MLLT1: variants seen among roughly 807,000 people sequenced by gnomAD.
MLLT1 encodes the protein MLLT1 super elongation complex subunit.
Under a neutral mutation model 55.1 loss-of-function variants are expected in MLLT1, and 11 were observed. The ratio of observed to expected loss-of-function variants is 0.20; its 90% CI spans 0.13 to 0.33. The LOEUF is 0.33. MLLT1 is among the 10% of genes least tolerant of loss of function. MLLT1 has a pLI of 1.00. For missense variants in MLLT1, 536 were observed against 760.6 expected, an observed-to-expected ratio of 0.70 and a Z score of 3.47; for synonymous variants, 323 against 320.1, an observed-to-expected ratio of 1.01 and a Z score of -0.10.
At chr19:6,278,526 G>A (rs1342103178) in intron 1 of MLLT1, among the ~76,000 whole-genome samples, 1 of 152,014 alleles carries the variant, frequency 6.6e-6, no homozygotes, top group East Asian at 1.9e-4. Flanking sequence ...GGAGAGGGTA[G>A]TGGCTGAAAG....
At chr19:6,250,841 C>A (rs1327427240) in intron 3 of MLLT1, among the ~76,000 whole-genome samples, 2 of 152,132 alleles carry the variant, frequency 1.3e-5, no homozygotes, top group Non-Finnish European at 2.9e-5. Flanking sequence ...GTGGGAACAG[C>A]CTGCATGGCC....
intron 1 of MLLT1, among the ~76,000 whole-genome samples, chr19:6,275,572 C>T (rs1028498228): frequency 6.6e-6 from 1 of 152,202 alleles, no homozygotes; most frequent in African/African-American, 2.4e-5. Flanking sequence ...TCCTCTGAAG[C>T]GGAGAGCTGC....
chr19:6,213,087 G>A lies in MLLT1; in HGVS notation c.1635C>T (p.Thr545=), dbSNP rs773344545. 2 of 1,613,942 alleles carry A rather than the reference G, an allele frequency of 1.2e-6. No individual in the cohort carries two copies. The highest frequency in any genetic ancestry group is 1.7e-6 in the Non-Finnish European group (2 of 1,179,864). ...FDFDLFSLDE[T]TVRKLQSCLE... The stretch of plus-strand genomic sequence containing the variant: ...GGCAGCTCTGCAGTTTGCGCACGGT[G>A]GTCTCGTCCAGGGAGAAGAGGTCGA... Residue 545 remains threonine (T), a synonymous_variant, in exon 12 of 12, where the codon ACC becomes ACT. Coordinates refer to ENST00000252674, the MANE Select transcript of MLLT1 (RefSeq NM_005934.4).
rs371374375 is a variant in MLLT1 at position 6,272,165 on chromosome 19, G to A, written c.13-1406C>T. On this transcript the variant is annotated intron_variant, in intron 1 of 11. Coordinates refer to ENST00000252674, the MANE Select transcript of MLLT1 (RefSeq NM_005934.4). ...CGAGCCCCGCGCACGTCTTCCACGCGTGTATTTCCTCAAGTCTGAGACGCT... is the reference window on the plus strand; with the variant it reads ...CGAGCCCCGCGCACGTCTTCCACGCATGTATTTCCTCAAGTCTGAGACGCT... Among the ~76,000 whole-genome samples, 7 of 148,846 alleles carry A rather than the reference G, an allele frequency of 4.7e-5. No individual in the cohort carries two copies. The South Asian group carries it at 6.4e-4, about 14-fold the overall frequency.
chr19:6,236,603 T>C (rs999776766), intron 3 of MLLT1, among the ~76,000 whole-genome samples: 2 of 151,808 alleles, frequency 1.3e-5, no homozygotes, highest in African/African-American at 4.8e-5. Flanking sequence ...CACCCTGGGA[T>C]TGAGATTGGC....
intron 3 of MLLT1, among the ~76,000 whole-genome samples, chr19:6,232,976 G>A (rs11085165): frequency 0.27 from 41,791 of 152,034 alleles, 6,597 homozygotes; most frequent in African/African-American, 0.42. Flanking sequence ...ACATCACACC[G>A]GCTCAGTCAG....
At position 6,214,048 on chromosome 19, in the gene MLLT1, C is replaced by A; in HGVS notation, c.1308-10G>T. On this transcript the variant is annotated splice_polypyrimidine_tract_variant and intron_variant, in intron 8 of 11. Coordinates refer to ENST00000252674, the MANE Select transcript of MLLT1 (RefSeq NM_005934.4). ...GTCGCTGAAGCTCAACCTGAACCGA[C>A]ACACGGGGGCGCATCAGGCCCCTGC... 7.1e-7 allele frequency: 1 copy of A among 1,417,518 alleles called. No individual in the cohort carries two copies. Among genetic ancestry groups the A allele is most frequent in the Non-Finnish European group, 9.2e-7 (1 of 1,085,038 alleles). The allele number at this position is 1,417,518 out of a possible 1,614,324, so 87.8% of individuals were successfully genotyped here. A position where few individuals can be genotyped will look rare whatever the true frequency, so the allele number is the denominator to read the frequency against.
rs963097092 is a variant in MLLT1 at position 6,222,908 on chromosome 19, G to A, written c.547-224C>T. Among the ~76,000 whole-genome samples the A allele has an allele frequency of 6.6e-6, 1 of 152,200 alleles. No homozygotes were observed. Among genetic ancestry groups the A allele is most frequent in the Non-Finnish European group, 1.5e-5 (1 of 68,026 alleles). ...AAGTGTCAGCTGGTCCCCGGCAGCTGCAGGCTAAGATTCCCCTCAGAATTG... is the reference window on the plus strand; with the variant it reads ...AAGTGTCAGCTGGTCCCCGGCAGCTACAGGCTAAGATTCCCCTCAGAATTG... On this transcript the variant is annotated intron_variant, in intron 5 of 11. Coordinates refer to ENST00000252674, the MANE Select transcript of MLLT1 (RefSeq NM_005934.4). The surrounding 1 kb of genome is among the most constrained non-coding windows in gnomAD (Gnocchi z 4.1).
At chr19:6,244,691 G>GTATCCAGAGTA (rs2091150573) in intron 3 of MLLT1, among the ~76,000 whole-genome samples, 1 of 152,190 alleles carries the variant, frequency 6.6e-6, no homozygotes, top group Non-Finnish European at 1.5e-5. Context: ...TACAGGACTT[G>GTATCCAGAGTA]TATCCAGAGT....
Position 6,229,468 on chromosome 19 carries a change from A to T in MLLT1, c.420+1102T>A, listed in dbSNP as rs2090985605. On this transcript the variant is annotated intron_variant, in intron 4 of 11. Transcript: ENST00000252674. This position sits in a 1 kb window ranked among gnomAD's most constrained non-coding sequence, Gnocchi z 5.2. The stretch of plus-strand genomic sequence containing the variant: ...TGACACCCACAGCCACGGTGCCCCA[A>T]ATCCACTCAGGAGGCGACCCACCCC... 1.3e-5 allele frequency among the ~76,000 whole-genome samples: 2 copies of T among 151,904 alleles called. No individual in the cohort carries two copies. The highest frequency in any genetic ancestry group is 4.1e-4 in the South Asian group (2 of 4,820).
rs1179744702 is a variant in MLLT1 at position 6,226,894 on chromosome 19, C to A, written c.546+83G>T. 2 of 1,253,638 alleles carry A rather than the reference C, an allele frequency of 1.6e-6. No individual in the cohort carries two copies. The highest frequency in any genetic ancestry group is 1.7e-5 in the South Asian group (1 of 59,778). The allele number at this position is 1,253,638 out of a possible 1,614,324, so 77.7% of individuals were successfully genotyped here. On this transcript the variant is annotated intron_variant, in intron 5 of 11. Transcript: ENST00000252674. This position sits in a 1 kb window ranked among gnomAD's most constrained non-coding sequence, Gnocchi z 6.3. ...GCGAGCAGGTGCGGAAGGCCCAGCC[C>A]AGTGGAGGGAGGGCGCCGGGGCCAG...
chr19:6,246,297 T>C (rs555983944), intron 3 of MLLT1, among the ~76,000 whole-genome samples: 10 of 152,194 alleles, frequency 6.6e-5, no homozygotes, highest in African/African-American at 2.4e-4. Flanking sequence ...TTTACCCAAA[T>C]GAACTGAAAA....
In MLLT1 at chr19:6,218,224, G is replaced by A. The variant is rs111788632; in HGVS notation, c.1111-183C>T. 2.7e-3 allele frequency among the ~76,000 whole-genome samples: 406 copies of A among 152,344 alleles called. 2 individuals carry two copies. The highest frequency in any genetic ancestry group is 9.3e-3 in the African/African-American group (387 of 41,586). ...ACTAAGGAGCCAGCGGCCAGGCCAT[G>A]CGCAGCCTATAGCCTCCCGTGCCAG... On this transcript the variant is annotated intron_variant, in intron 6 of 11. Coordinates refer to ENST00000252674, the MANE Select transcript of MLLT1 (RefSeq NM_005934.4).
intron 3 of MLLT1, among the ~76,000 whole-genome samples, chr19:6,247,042 G>C (rs1028649577): frequency 1.3e-5 from 2 of 152,218 alleles, no homozygotes; most frequent in African/African-American, 4.8e-5. Context: ...TCGGGAGCCA[G>C]GTTTCCCCCT....
chr19:6,243,137 G>A (rs139100176), intron 3 of MLLT1, among the ~76,000 whole-genome samples: 2,714 of 152,322 alleles, frequency 0.018, 40 homozygotes, highest in South Asian at 0.034. Context: ...AGTCTGCTGG[G>A]AACGTAAAGC....
chr19:6,221,883 A>C (rs1406101345), intron 6 of MLLT1, among the ~76,000 whole-genome samples: 1 of 152,132 alleles, frequency 6.6e-6, no homozygotes, highest in Non-Finnish European at 1.5e-5. Context: ...GCCACCCACA[A>C]ATGCCACCGA....
At position 6,222,304 on chromosome 19, in the gene MLLT1, C is replaced by A; in HGVS notation, c.927G>T (p.Arg309=). Residue 309 remains arginine (R), a synonymous_variant, in exon 6 of 12, where the codon CGG becomes CGT. Transcript: ENST00000252674. This position sits in a 1 kb window ranked among gnomAD's most constrained non-coding sequence, Gnocchi z 4.1. The part of the protein sequence containing the change: ...KQKKSSSKGS[R]SAPGTSPRTS... The stretch of plus-strand genomic sequence containing the variant: ...TGCGGGGCGAGGTGCCTGGAGCACT[C>A]CGGGACCCCTTCGAGCTGCTCTTCT... 6.2e-7 allele frequency: 1 copy of A among 1,601,296 alleles called. No individual in the cohort carries two copies.
Position 6,270,774 on chromosome 19 carries a change from G to C in MLLT1, c.13-15C>G. 6.3e-7 allele frequency: 1 copy of C among 1,589,456 alleles called. No individual in the cohort carries two copies. The highest frequency in any genetic ancestry group is 8.6e-7 in the Non-Finnish European group (1 of 1,164,460). On this transcript the variant is annotated splice_polypyrimidine_tract_variant and intron_variant, in intron 1 of 11. Transcript: ENST00000252674. The surrounding 1 kb of genome is among the most constrained non-coding windows in gnomAD (Gnocchi z 7.1). ...TGGACGGTGCACTGGAGGAGAGAGA[G>C]GTGGGGAGATGAAGTCAGCACACGC...
Position 6,230,914 on chromosome 19 carries a change from G to A in MLLT1, c.277-201C>T, listed in dbSNP as rs551390107. 4.6e-5 allele frequency among the ~76,000 whole-genome samples: 7 copies of A among 152,248 alleles called. No homozygotes were observed. The highest frequency in any genetic ancestry group is 1.4e-4 in the African/African-American group (6 of 41,536). On this transcript the variant is annotated intron_variant, in intron 3 of 11. Coordinates refer to ENST00000252674, the MANE Select transcript of MLLT1 (RefSeq NM_005934.4). This position sits in a 1 kb window ranked among gnomAD's most constrained non-coding sequence, Gnocchi z 9.0. ...CAGCTTACTATGTGCAGCTAACTGG[G>A]TCTTGCAGGCCCCATGGCAGAAAGA...
Sources: gnomAD v4.1 joint callset for allele counts (sites outside exome capture counted in the v4.1 genomes callset) on GRCh38, gnomAD v4.1.1 for gene constraint, Gnocchi (gnomAD v3.1) non-coding constraint, MANE v1.5 for transcripts, NCBI Gene and HGNC (gene_info 2026-07-23, HGNC 2026-07-21) for gene names.